BICD1: variants seen among roughly 807,000 people sequenced by gnomAD.
BICD1 encodes BICD cargo adaptor 1.
Under a neutral mutation model 92.5 loss-of-function variants are expected in BICD1, and 35 were observed. That is an observed-to-expected ratio of 0.38 (90% CI 0.29 to 0.50). The LOEUF (loss-of-function observed/expected upper bound fraction) is 0.50. Among genes scored for constraint, BICD1 ranks in the 20% least tolerant of loss-of-function variants. The pLI is 0.93. For synonymous variants in BICD1, 429 were observed against 465.1 expected, an observed-to-expected ratio of 0.92 and a Z score of 1.00; for missense variants, 950 against 1,189.8, an observed-to-expected ratio of 0.80 and a Z score of 2.97.
At chr12:32,257,344 AATTAT>A (rs1946748195) in intron 2 of BICD1, among the ~76,000 whole-genome samples, 1 of 152,176 alleles carries the variant, frequency 6.6e-6, no homozygotes, top group Non-Finnish European at 1.5e-5. Flanking sequence ...ATACATATAA[AATTAT>A]ATTTGTTCTG....
chr12:32,114,373 C>A (rs1260709), intron 1 of BICD1, among the ~76,000 whole-genome samples: 81,888 of 151,802 alleles, frequency 0.54, 22,436 homozygotes, highest in African/African-American at 0.62. Context: ...GGATTCAGAT[C>A]CTCAACTTTC....
intron 1 of BICD1, among the ~76,000 whole-genome samples, chr12:32,127,936 C>T (rs1258136199): frequency 6.9e-6 from 1 of 144,632 alleles, no homozygotes; most frequent in Non-Finnish European, 1.5e-5. Flanking sequence ...CAGACTCTTG[C>T]TGTGTCATCC....
chr12:32,116,510 C>CTCTCTCTCTCTCTA (rs1233964108), intron 1 of BICD1, among the ~76,000 whole-genome samples: 1 of 104,374 alleles, frequency 9.6e-6, no homozygotes, highest in Non-Finnish European at 1.9e-5. Context: ...CTCTCTCTCT[C>CTCTCTCTCTCTCTA]TATATATATA....
chr12:32,122,303 A>G (rs1479459482), intron 1 of BICD1, among the ~76,000 whole-genome samples: 3 of 152,038 alleles, frequency 2.0e-5, no homozygotes, highest in African/African-American at 7.2e-5. Flanking sequence ...CCTGACTAAC[A>G]TGGTGAAACC....
At chr12:32,212,647 C>T (rs142624472) in intron 1 of BICD1, among the ~76,000 whole-genome samples, 8 of 152,270 alleles carry the variant, frequency 5.3e-5, no homozygotes, top group African/African-American at 1.2e-4. Context: ...TGGTTTCGAA[C>T]GCCTGACCTC....
intron 2 of BICD1, among the ~76,000 whole-genome samples, chr12:32,277,455 A>G (rs1267206737): frequency 6.6e-6 from 1 of 152,226 alleles, no homozygotes; most frequent in Non-Finnish European, 1.5e-5. Flanking sequence ...ATCCTGTTAC[A>G]TATATCAAAG....
chr12:32,266,144 G>T (rs927699172), intron 2 of BICD1, among the ~76,000 whole-genome samples: 1 of 152,032 alleles, frequency 6.6e-6, no homozygotes, highest in Non-Finnish European at 1.5e-5. Context: ...CTCTTCCTAG[G>T]TCATAGCCCT....
At chr12:32,339,026 A>C in intron 8 of BICD1, 47 bp downstream of exon 8, 2 of 1,531,244 alleles carry the variant, frequency 1.3e-6, no homozygotes, top group South Asian at 1.3e-5. Context: ...GATTAGTTGA[A>C]TAGACTCTCC....
At chr12:32,138,736 G>T (rs1942810799) in intron 1 of BICD1, among the ~76,000 whole-genome samples, 1 of 152,108 alleles carries the variant, frequency 6.6e-6, no homozygotes, top group Non-Finnish European at 1.5e-5. Context: ...AGCTGTATTT[G>T]ATAGGTTAGG....
In BICD1 at chr12:32,372,724, T is replaced by C. The variant is rs186818925; in HGVS notation, c.2841-4816T>C. Among the ~76,000 whole-genome samples, 437 of 151,572 alleles carry C rather than the reference T, an allele frequency of 2.9e-3. 4 individuals carry two copies. The highest frequency in any genetic ancestry group is 0.01 in the African/African-American group (422 of 41,298). On this transcript the variant is annotated intron_variant, in intron 9 of 9. Coordinates refer to ENST00000652176, the MANE Select transcript of BICD1 (RefSeq NM_001714.4). The stretch of plus-strand genomic sequence containing the variant: ...TGAAACCCTGTCCTTTAAAACAAAA[T>C]ACAAGAATTAGGCATGGTGGCCTGC...
At chr12:32,303,305 C>T (rs1335656842) in intron 3 of BICD1, among the ~76,000 whole-genome samples, 1 of 152,126 alleles carries the variant, frequency 6.6e-6, no homozygotes, top group Non-Finnish European at 1.5e-5. Context: ...TAACACTATC[C>T]ATATTCACAT....
At chr12:32,266,644 G>A (rs1947004990) in intron 2 of BICD1, among the ~76,000 whole-genome samples, 1 of 152,284 alleles carries the variant, frequency 6.6e-6, no homozygotes, top group African/African-American at 2.4e-5. Context: ...ATCACTTGAG[G>A]TCAGGAGTTC....
chr12:32,250,148 G>A (rs1461763466), intron 2 of BICD1, among the ~76,000 whole-genome samples: 2 of 152,100 alleles, frequency 1.3e-5, no homozygotes, highest in African/African-American at 4.8e-5. Context: ...TTTAGACGTT[G>A]AGTTAAACTT....
chr12:32,148,538 G>A (rs1355602307), intron 1 of BICD1, among the ~76,000 whole-genome samples: 1 of 152,138 alleles, frequency 6.6e-6, no homozygotes, highest in Non-Finnish European at 1.5e-5. Context: ...AATGAGCCTG[G>A]AATGGAATAC....
intron 4 of BICD1, among the ~76,000 whole-genome samples, chr12:32,314,382 A>G (rs1177033546): frequency 6.7e-6 from 1 of 149,062 alleles, no homozygotes; most frequent in African/African-American, 2.5e-5. Context: ...CCATTTTTTT[A>G]TCCCCACCAG....
chr12:32,302,392 G>C (rs946997918), intron 3 of BICD1, among the ~76,000 whole-genome samples: 24 of 152,078 alleles, frequency 1.6e-4, no homozygotes, highest in African/African-American at 4.8e-4. Context: ...GAAGGGACAC[G>C]GGAGCACACA....
At chr12:32,131,189 A>C (rs1399443732) in intron 1 of BICD1, among the ~76,000 whole-genome samples, 2 of 152,154 alleles carry the variant, frequency 1.3e-5, no homozygotes, top group African/African-American at 4.8e-5. Flanking sequence ...AAGCCTATAC[A>C]TCCCCCTTAT....
At chr12:32,176,832 G>A (rs1944102787) in intron 1 of BICD1, among the ~76,000 whole-genome samples, 1 of 151,968 alleles carries the variant, frequency 6.6e-6, no homozygotes, top group African/African-American at 2.4e-5. Flanking sequence ...GGACATTTGA[G>A]TCATTTTTCA....
At chr12:32,258,942 C>T (rs11051878) in intron 2 of BICD1, among the ~76,000 whole-genome samples, 7,133 of 152,204 alleles carry the variant, frequency 0.047, 283 homozygotes, top group East Asian at 0.2. Flanking sequence ...TAATATCCAA[C>T]CTCCCACAAG....
Sources: gnomAD v4.1 joint callset for allele counts (sites outside exome capture counted in the v4.1 genomes callset) on GRCh38, gnomAD v4.1.1 for gene constraint, MANE v1.5 for transcripts, NCBI Gene and HGNC (gene_info 2026-07-23, HGNC 2026-07-21) for gene names.